Variants in CSMD1 observed in about 807,000 individuals in gnomAD.
The protein encoded by CSMD1 is CUB and Sushi multiple domains 1.
Under a neutral mutation model 417.5 loss-of-function variants are expected in CSMD1, and 213 were observed. That is an observed-to-expected ratio of 0.51 (90% CI 0.46 to 0.57). CSMD1 has a LOEUF of 0.57. Among genes scored for constraint, CSMD1 ranks in the 20% least tolerant of loss-of-function variants. CSMD1 has a pLI of 0.00. For synonymous variants in CSMD1, 2,862 were observed against 1,736.8 expected, an observed-to-expected ratio of 1.65 and a Z score of -16.11; for missense variants, 6,923 against 4,529.7, an observed-to-expected ratio of 1.53 and a Z score of -15.17.
chr8:4,810,480 T>G (rs916276986), intron 1 of CSMD1, among the ~76,000 whole-genome samples: 4 of 152,156 alleles, frequency 2.6e-5, no homozygotes, highest in African/African-American at 9.7e-5. Context: ...CGAGTCATGT[T>G]TGATGTTATT....
chr8:3,840,977 G>C (rs538633653), intron 5 of CSMD1, among the ~76,000 whole-genome samples: 3 of 152,078 alleles, frequency 2.0e-5, no homozygotes, highest in Non-Finnish European at 2.9e-5. Context: ...AAAGTGCTCA[G>C]ATTACAGGCA....
At chr8:3,846,817 G>C (rs1386308871) in intron 5 of CSMD1, among the ~76,000 whole-genome samples, 1 of 152,042 alleles carries the variant, frequency 6.6e-6, no homozygotes, top group African/African-American at 2.4e-5. Context: ...GGGATTACAG[G>C]TGCCTGCCAC....
intron 2 of CSMD1, among the ~76,000 whole-genome samples, chr8:4,459,382 G>C (rs894874474): frequency 6.6e-6 from 1 of 152,222 alleles, no homozygotes; most frequent in Non-Finnish European, 1.5e-5. Context: ...CATGAAACAA[G>C]AATGTCAGTC....
chr8:3,318,265 G>C (rs1007469681), intron 23 of CSMD1, among the ~76,000 whole-genome samples: 4 of 151,830 alleles, frequency 2.6e-5, no homozygotes, highest in African/African-American at 9.7e-5. Flanking sequence ...TTTTTAATAG[G>C]TGTTAAAATG....
chr8:3,262,494 T>G (rs1038572558), intron 26 of CSMD1, among the ~76,000 whole-genome samples: 1 of 151,304 alleles, frequency 6.6e-6, no homozygotes, highest in Non-Finnish European at 1.5e-5. Flanking sequence ...ACATAATTAC[T>G]GTTTATCCAA....
intron 8 of CSMD1, among the ~76,000 whole-genome samples, chr8:3,588,166 T>C (rs542012214): frequency 6.6e-6 from 1 of 152,264 alleles, no homozygotes; most frequent in Admixed American, 6.5e-5. Context: ...TTAATATTCA[T>C]AGTTTTCATC....
At chr8:4,667,235 CCA>C (rs1161222174) in intron 1 of CSMD1, among the ~76,000 whole-genome samples, 4 of 152,058 alleles carry the variant, frequency 2.6e-5, no homozygotes, top group Non-Finnish European at 4.4e-5. Flanking sequence ...TTTTCCAATA[CCA>C]CAGTCTTGAT....
chr8:3,923,671 C>G (rs1250544730), intron 5 of CSMD1, among the ~76,000 whole-genome samples: 2 of 152,072 alleles, frequency 1.3e-5, no homozygotes, highest in African/African-American at 4.8e-5. Context: ...ATAATACATT[C>G]TTTTTATCTG....
intron 10 of CSMD1, among the ~76,000 whole-genome samples, chr8:3,497,271 T>C (rs1193098550): frequency 3.9e-5 from 6 of 152,214 alleles, no homozygotes; most frequent in Non-Finnish European, 7.3e-5. Context: ...TATTATTATA[T>C]TGGAGTCTAT....
chr8:4,116,957 C>G (rs1453729562), intron 3 of CSMD1, among the ~76,000 whole-genome samples: 2 of 152,012 alleles, frequency 1.3e-5, no homozygotes, highest in East Asian at 1.9e-4. Context: ...GTCTGAGAAT[C>G]AGGCTGGTAA....
chr8:4,060,329 C>A (rs945957987), intron 3 of CSMD1, among the ~76,000 whole-genome samples: 2 of 152,166 alleles, frequency 1.3e-5, no homozygotes, highest in South Asian at 2.1e-4. Flanking sequence ...AAACCCACAG[C>A]CGATATCATA....
chr8:3,305,077 G>A (rs1000037788), intron 25 of CSMD1, among the ~76,000 whole-genome samples: 1 of 152,128 alleles, frequency 6.6e-6, no homozygotes, highest in East Asian at 1.9e-4. Flanking sequence ...CTGCAGTGGT[G>A]TGATCATAGC....
At chr8:3,528,309 G>C (rs557092332) in intron 10 of CSMD1, among the ~76,000 whole-genome samples, 166 of 152,288 alleles carry the variant, frequency 1.1e-3, no homozygotes, top group Non-Finnish European at 1.9e-3. Context: ...TAATAGCTCA[G>C]TGCCAAAATT....
chr8:3,171,370 C>G (rs1820574131), intron 37 of CSMD1, among the ~76,000 whole-genome samples: 2 of 152,164 alleles, frequency 1.3e-5, no homozygotes, highest in African/African-American at 2.4e-5. Context: ...TACTATTTCC[C>G]TTTTTAACAC....
intron 1 of CSMD1, among the ~76,000 whole-genome samples, chr8:4,662,107 C>T (rs56402834): frequency 0.014 from 2,098 of 152,254 alleles, 28 homozygotes; most frequent in Non-Finnish European, 0.02. Context: ...ACCACAATTA[C>T]ACTTTTTCTT....
At chr8:3,174,615 T>C (rs1303001904) in intron 37 of CSMD1, among the ~76,000 whole-genome samples, 5 of 152,216 alleles carry the variant, frequency 3.3e-5, no homozygotes, top group Non-Finnish European at 5.9e-5. Context: ...TAAGAGCTTA[T>C]CTCTCTTAAT....
At chr8:4,757,332 TCTC>T (rs1360560279) in intron 1 of CSMD1, among the ~76,000 whole-genome samples, 1 of 152,188 alleles carries the variant, frequency 6.6e-6, no homozygotes, top group African/African-American at 2.4e-5. Flanking sequence ...GTCTTGAATT[TCTC>T]CTGTGTGCTA....
At chr8:4,947,635 A>G (rs1808457435) in intron 1 of CSMD1, among the ~76,000 whole-genome samples, 1 of 152,094 alleles carries the variant, frequency 6.6e-6, no homozygotes, top group Non-Finnish European at 1.5e-5. Context: ...TCCTCCCCCC[A>G]GTGACAGATA....
intron 1 of CSMD1, among the ~76,000 whole-genome samples, chr8:4,744,907 G>C (rs771051129): frequency 1.3e-5 from 2 of 152,058 alleles, no homozygotes; most frequent in Admixed American, 6.5e-5. Context: ...TAATGGCTCA[G>C]TATGTATAAA....
Sources: gnomAD v4.1 joint callset for allele counts (sites outside exome capture counted in the v4.1 genomes callset) on GRCh38, gnomAD v4.1.1 for gene constraint, MANE v1.5 for transcripts, NCBI Gene and HGNC (gene_info 2026-07-23, HGNC 2026-07-21) for gene names.